The following BTRC variants were observed in gnomAD, a reference collection of about 807,000 sequenced individuals.
BTRC encodes beta-transducin repeat containing E3 ubiquitin protein ligase.
BTRC carries 42 observed loss-of-function variants against 85.5 expected under a neutral mutation model. The ratio of observed to expected loss-of-function variants is 0.49; its 90% CI spans 0.38 to 0.64. The LOEUF is 0.64. BTRC is among the 30% of genes least tolerant of loss of function. The pLI, the probability that BTRC is intolerant of heterozygous loss-of-function variation, is 0.00. For synonymous variants in BTRC, 255 were observed against 263.3 expected (o/e 0.97, Z 0.30); for missense variants, 594 against 743.5 (o/e 0.80, Z 2.34).
chr10:101,428,184 CA>C (rs1328272702), intron 1 of BTRC, among the ~76,000 whole-genome samples: 1 of 152,058 alleles, frequency 6.6e-6, no homozygotes, highest in East Asian at 1.9e-4. Context: ...AGTTTAAAGA[CA>C]GGGGTAAGAT....
chr10:101,544,145 G>A (rs188227642), intron 13 of BTRC, among the ~76,000 whole-genome samples: 18 of 152,216 alleles, frequency 1.2e-4, no homozygotes, highest in Admixed American at 2.0e-4. Context: ...TCCTGACCTC[G>A]TGATCCGCCC....
chr10:101,518,587 A>T (rs553115903), intron 4 of BTRC, among the ~76,000 whole-genome samples: 1 of 152,146 alleles, frequency 6.6e-6, no homozygotes, highest in Admixed American at 6.5e-5. Flanking sequence ...GCTGGGGCCA[A>T]TCTGTGGAGA....
chr10:101,418,102 C>G (rs1158440521), intron 1 of BTRC, among the ~76,000 whole-genome samples: 1 of 152,164 alleles, frequency 6.6e-6, no homozygotes, highest in Non-Finnish European at 1.5e-5. Flanking sequence ...CACAGTGGCT[C>G]ACACCAGTAA....
chr10:101,475,367 C>G (rs1249160948), intron 3 of BTRC, among the ~76,000 whole-genome samples: 1 of 152,096 alleles, frequency 6.6e-6, no homozygotes, highest in Non-Finnish European at 1.5e-5. Context: ...TGGTAAAACC[C>G]TGTCTCTACT....
intron 1 of BTRC, among the ~76,000 whole-genome samples, chr10:101,411,028 C>T (rs1417217359): frequency 1.5e-5 from 2 of 133,214 alleles, no homozygotes; most frequent in Non-Finnish European, 3.1e-5. Flanking sequence ...GACAGTGTCA[C>T]TCTGTCGCCC....
At chr10:101,452,660 A>G (rs1358374723) in intron 2 of BTRC, among the ~76,000 whole-genome samples, 1 of 152,148 alleles carries the variant, frequency 6.6e-6, no homozygotes, top group Non-Finnish European at 1.5e-5. Context: ...TGGTTGTCCC[A>G]GAGAATGTTG....
chr10:101,506,191 G>A (rs748357923), intron 4 of BTRC, among the ~76,000 whole-genome samples: 73 of 152,204 alleles, frequency 4.8e-4, no homozygotes, highest in Middle Eastern at 3.2e-3. Context: ...GGGGTTACAG[G>A]CGTGAGCCAC....
intron 4 of BTRC, among the ~76,000 whole-genome samples, chr10:101,498,545 CA>C (rs2134282534): frequency 6.6e-6 from 1 of 152,236 alleles, no homozygotes; most frequent in East Asian, 1.9e-4. Context: ...TAATGGTGGC[CA>C]CACAGGTTAG....
At chr10:101,414,377 G>C (rs1943867707) in intron 1 of BTRC, among the ~76,000 whole-genome samples, 1 of 152,122 alleles carries the variant, frequency 6.6e-6, no homozygotes, top group Non-Finnish European at 1.5e-5. Context: ...TGTTTGTGTT[G>C]ATACTGGTGT....
At chr10:101,528,601 A>G (rs1564827775) in intron 6 of BTRC, among the ~76,000 whole-genome samples, 1 of 152,150 alleles carries the variant, frequency 6.6e-6, no homozygotes, top group Non-Finnish European at 1.5e-5. Flanking sequence ...AAATACTTAT[A>G]CATCCCGTGT....
At chr10:101,425,530 A>G (rs866256275) in intron 1 of BTRC, among the ~76,000 whole-genome samples, 2 of 152,066 alleles carry the variant, frequency 1.3e-5, no homozygotes, top group African/African-American at 4.8e-5. Flanking sequence ...TTGAGACTGC[A>G]TGTAAGGAGT....
Position 101,387,528 on chromosome 10 carries a change from C to CTTTTTTTTTTTTTTTTTTTTTTTTTTTT in BTRC, c.48+33318_48+33319insTTTTTTTTTTTTTTTTTTTTTTTTTTTT, listed in dbSNP as rs535656002. On this transcript the variant is annotated intron_variant, in intron 1 of 14. Transcript: ENST00000370187. ...TGTGGCTTTTTATACCTTCATGGGA[C>CTTTTTTTTTTTTTTTTTTTTTTTTTTTT]TTTTTTTTTTTTTTTTTTGAGATAG... 3.4e-3 allele frequency among the ~76,000 whole-genome samples: 153 copies of CTTTTTTTTTTTTTTTTTTTTTTTTTTTT among 45,078 alleles called. 49 individuals carry two copies. Among genetic ancestry groups the CTTTTTTTTTTTTTTTTTTTTTTTTTTTT allele is most frequent in the African/African-American group, 9.3e-3 (61 of 6,526 alleles). 29.6% of individuals were successfully genotyped at this position (45,078 alleles called of 152,430 possible). A position where few individuals can be genotyped will look rare whatever the true frequency, so the allele number is the denominator to read the frequency against.
intron 1 of BTRC, among the ~76,000 whole-genome samples, chr10:101,406,942 GTCCTGATCATC>G (rs1225637755): frequency 6.6e-6 from 1 of 150,820 alleles, no homozygotes; most frequent in African/African-American, 2.5e-5. Context: ...TTAATCATCT[GTCCTGATCATC>G]TGTCCTGATC....
At chr10:101,542,037 A>G (rs2062476963) in intron 13 of BTRC, among the ~76,000 whole-genome samples, 1 of 152,222 alleles carries the variant, frequency 6.6e-6, no homozygotes, top group Non-Finnish European at 1.5e-5. Flanking sequence ...CTAGTGAAGC[A>G]TCTAGACCTG....
At chr10:101,372,907 T>C (rs954721818) in intron 1 of BTRC, among the ~76,000 whole-genome samples, 3 of 152,260 alleles carry the variant, frequency 2.0e-5, no homozygotes, top group African/African-American at 7.2e-5. Context: ...AACATACTTT[T>C]ATGATTTTTA....
At chr10:101,505,876 G>T (rs2134309548) in intron 4 of BTRC, among the ~76,000 whole-genome samples, 2 of 151,396 alleles carry the variant, frequency 1.3e-5, no homozygotes, top group South Asian at 4.2e-4. Flanking sequence ...GATCCTTTTT[G>T]AAGATGAATT....
At chr10:101,467,345 T>TG (rs1554883061) in intron 3 of BTRC, among the ~76,000 whole-genome samples, 1 of 145,864 alleles carries the variant, frequency 6.9e-6, no homozygotes, top group Non-Finnish European at 1.5e-5. Context: ...TTTTTTTTTT[T>TG]CTCTCTATTT....
intron 4 of BTRC, among the ~76,000 whole-genome samples, chr10:101,486,777 C>T (rs1946000445): frequency 6.6e-6 from 1 of 152,124 alleles, no homozygotes; most frequent in South Asian, 2.1e-4. Context: ...ATTTTCTTTA[C>T]AACATGAAAT....
At chr10:101,446,737 C>T (rs2134127119) in intron 2 of BTRC, among the ~76,000 whole-genome samples, 1 of 152,250 alleles carries the variant, frequency 6.6e-6, no homozygotes, top group South Asian at 2.1e-4. Context: ...ATATCCCTGA[C>T]TAGCTTTATA....
Sources: gnomAD v4.1 joint callset for allele counts (sites outside exome capture counted in the v4.1 genomes callset) on GRCh38, gnomAD v4.1.1 for gene constraint, MANE v1.5 for transcripts, NCBI Gene and HGNC (gene_info 2026-07-23, HGNC 2026-07-21) for gene names.